The following GAK variants were observed in gnomAD, a reference collection of about 807,000 sequenced individuals.
GAK encodes the protein cyclin G associated kinase, also known as cyclin-G-associated kinase.
In GAK, 79 loss-of-function variants were observed where a neutral mutation model predicts 143.9. That is an observed-to-expected ratio of 0.55 (90% CI 0.46 to 0.66). GAK has a LOEUF of 0.66. Ranked by LOEUF, GAK falls within the 30% of genes least tolerant of loss-of-function variation. The pLI, the probability that GAK is intolerant of heterozygous loss-of-function variation, is 0.00. For synonymous variants in GAK, 881 were observed against 765.5 expected, an observed-to-expected ratio of 1.15 and a Z score of -2.49; for missense variants, 1,693 against 1,779.7, an observed-to-expected ratio of 0.95 and a Z score of 0.88.
intron 4 of GAK, 135 bp from the exon 5 acceptor site, chr4:904,914 G>A (rs1334501227): frequency 7.6e-6 from 6 of 787,294 alleles, no homozygotes; most frequent in South Asian, 5.4e-5. Flanking sequence ...GTAACAAAAC[G>A]ACCAGAGGTG....
intron 23 of GAK, 92 bp downstream of exon 23, chr4:865,028 CAG>C (rs1426865520): frequency 2.7e-6 from 4 of 1,494,002 alleles, no homozygotes; most frequent in African/African-American, 1.4e-5. Context: ...CTTCTCTGCG[CAG>C]AGAGGGCCCT....
At chr4:896,819 A>C (rs962581616) in intron 6 of GAK, among the ~76,000 whole-genome samples, 5 of 152,236 alleles carry the variant, frequency 3.3e-5, no homozygotes, top group South Asian at 2.1e-4. Flanking sequence ...GCATGTCGGC[A>C]CCGACGTATT....
intron 15 of GAK, 27 bp from the exon 16 acceptor site, chr4:877,836 C>A (rs1564281): frequency 6.5e-7 from 1 of 1,545,494 alleles, no homozygotes; most frequent in African/African-American, 1.4e-5. Flanking sequence ...CGCGTCACCA[C>A]GTGACGTGCC....
intron 23 of GAK, among the ~76,000 whole-genome samples, chr4:861,086 T>A (rs1366679804): frequency 7.2e-5 from 11 of 152,302 alleles, no homozygotes; most frequent in African/African-American, 2.6e-4. Context: ...CGAGCTTAAC[T>A]GACAACACGC....
intron 23 of GAK, among the ~76,000 whole-genome samples, chr4:862,201 G>A (rs1246345551): frequency 6.6e-6 from 1 of 151,928 alleles, no homozygotes; most frequent in Non-Finnish European, 1.5e-5. Flanking sequence ...TAAGTCATCC[G>A]CTAAGATCCG....
rs768901563 is a variant in GAK, at chr4:911,819, T to C, written c.268-32A>G. The C allele has an allele frequency of 6.7e-6, 10 of 1,500,328 alleles. No homozygotes were observed. In the African/African-American group the frequency reaches 1.4e-4, roughly 21 times the overall value. The allele number at this position is 1,500,328 out of a possible 1,614,324, so 92.9% of individuals were successfully genotyped here. A position where few individuals can be genotyped will look rare whatever the true frequency, so the allele number is the denominator to read the frequency against. Reference sequence around the variant, plus strand: ...TTGTCTTGTTAAAGGAGAACGTACATAACCATGTCCACAGTTCTGTGCACT... The same window carrying C: ...TTGTCTTGTTAAAGGAGAACGTACACAACCATGTCCACAGTTCTGTGCACT... On this transcript the variant is annotated intron_variant, in intron 3 of 27. Coordinates refer to ENST00000314167, the MANE Select transcript of GAK (RefSeq NM_005255.4).
rs902899744 is a variant in GAK at position 895,393 on chromosome 4, G to A, written c.741+1067C>T. Among the ~76,000 whole-genome samples, 10 of 152,386 alleles carry A rather than the reference G, an allele frequency of 6.6e-5. No individual in the cohort carries two copies. In the Middle Eastern group the frequency reaches 0.01, roughly 155 times the overall value. On this transcript the variant is annotated intron_variant, in intron 7 of 27. Transcript: ENST00000314167. ...CAGGCCGAGCAAGAGCCGGCCAGGAGTGTCCTCGTGCGGGATGTGCAGAGG... is the reference window on the plus strand; with the variant it reads ...CAGGCCGAGCAAGAGCCGGCCAGGAATGTCCTCGTGCGGGATGTGCAGAGG...
intron 26 of GAK, 26 bp from the exon 27 acceptor site, chr4:850,094 G>A (rs200534785): frequency 1.3e-6 from 2 of 1,540,182 alleles, no homozygotes; most frequent in East Asian, 4.8e-5. Context: ...AGCTTGCCGA[G>A]CCCTGGGCAC....
intron 10 of GAK, among the ~76,000 whole-genome samples, chr4:890,070 C>T (rs373774654): frequency 1.3e-5 from 2 of 152,246 alleles, no homozygotes; most frequent in East Asian, 3.9e-4. Flanking sequence ...CCTGGCCCTT[C>T]ATTCCCAGCT....
Position 912,739 on chromosome 4 carries a change from A to C in GAK, c.263T>G (p.Phe88Cys), listed in dbSNP as rs1245660411. ...CTGGTTCCAGGAAAAGGATACCATG[A>C]AGCAAACTTCTTGAATGATGGCTCT... ...KNRAIIQEVC[F>C]MKKLSGHPNI... Residue 88 changes from phenylalanine (F) to cysteine (C), a missense_variant, in exon 3 of 28, where the codon TTC becomes TGC. Transcript: ENST00000314167. 1 of 1,613,584 alleles carries C rather than the reference A, an allele frequency of 6.2e-7. No individual in the cohort carries two copies. The highest frequency in any genetic ancestry group is 1.1e-5 in the South Asian group (1 of 91,032).
At position 868,632 on chromosome 4, in the gene GAK, C is replaced by A. The variant is rs1055920461; in HGVS notation, c.2302G>T (p.Ala768Ser). ...GTGGGTTCGGCTTCCGGGGACCCTGCCCCAGCATCATACTGAGCCGTGGAG... is the reference window on the plus strand; with the variant it reads ...GTGGGTTCGGCTTCCGGGGACCCTGACCCAGCATCATACTGAGCCGTGGAG... ...PGSTAQYDAG[A>S]GSPEAEPTDS... Residue 768 changes from alanine (A) to serine (S), a missense_variant, in exon 20 of 28, where the codon GCA (alanine) becomes TCA (serine). By Grantham distance (99) the Ala-to-Ser change is moderately conservative. Around this residue, in one of 2 missense-constraint regions of GAK, gnomAD observed 822 missense variants for 788.7 expected, o/e 1.04. Coordinates refer to ENST00000314167, the MANE Select transcript of GAK (RefSeq NM_005255.4). 26 of 1,571,256 alleles carry A rather than the reference C, an allele frequency of 1.7e-5. No individual in the cohort carries two copies. The highest frequency in any genetic ancestry group is 2.2e-5 in the Non-Finnish European group (26 of 1,158,954).
In GAK at chr4:912,797, G is replaced by A. The variant is rs770827079; in HGVS notation, c.208-3C>T. 35 of 1,612,304 alleles carry A rather than the reference G, an allele frequency of 2.2e-5. No individual in the cohort carries two copies. The South Asian group carries it at 3.0e-4, about 14-fold the overall frequency. On this transcript the variant is annotated splice_region_variant and splice_polypyrimidine_tract_variant and intron_variant, in intron 2 of 27. Coordinates refer to ENST00000314167, the MANE Select transcript of GAK (RefSeq NM_005255.4). Reference sequence around the variant, plus strand: ...TCCTCTTCATTGGATAATAGCCTCTGTATCAGGAAACAGCACACACAAAAG... The same window carrying A: ...TCCTCTTCATTGGATAATAGCCTCTATATCAGGAAACAGCACACACAAAAG...
At chr4:898,978 C>G (rs1270820247) in intron 5 of GAK, among the ~76,000 whole-genome samples, 1 of 152,246 alleles carries the variant, frequency 6.6e-6, no homozygotes, top group Non-Finnish European at 1.5e-5. Flanking sequence ...TCGGGCCAAA[C>G]AGGGAATCCA....
At chr4:895,229 C>T (rs1718545025) in intron 7 of GAK, among the ~76,000 whole-genome samples, 1 of 152,194 alleles carries the variant, frequency 6.6e-6, no homozygotes, top group African/African-American at 2.4e-5. Flanking sequence ...TCAGTCTGCT[C>T]AGGATTTTCG....
chr4:871,626 G>A (rs1361344620), intron 18 of GAK, among the ~76,000 whole-genome samples: 1 of 151,964 alleles, frequency 6.6e-6, no homozygotes, highest in East Asian at 1.9e-4. Context: ...GGCCTGCCTT[G>A]GGGTGTCGGC....
chr4:850,883 G>A (rs918975745), intron 26 of GAK, 53 bp downstream of exon 26: 97 of 1,575,110 alleles, frequency 6.2e-5, no homozygotes, highest in Non-Finnish European at 8.3e-5. Context: ...GATGCTCCAG[G>A]GGCCATGGGT....
Position 927,018 on chromosome 4 carries a change from C to G in GAK, c.145+5025G>C, listed in dbSNP as rs1724908581. On this transcript the variant is annotated intron_variant, in intron 1 of 27. Transcript: ENST00000314167. ...CCTCCCGGCTCACCAGCGCTCCGCA[C>G]TGCCCCGCACCCCTCCCCGCTCACC... Among the ~76,000 whole-genome samples, 2 of 49,712 alleles carry G rather than the reference C, an allele frequency of 4.0e-5. 1 individual carries two copies. The highest frequency in any genetic ancestry group is 1.8e-4 in the African/African-American group (2 of 11,076). The allele number at this position is 49,712 out of a possible 152,430, so 32.6% of individuals were successfully genotyped here.
chr4:874,509 C>T (rs931435940), intron 18 of GAK, among the ~76,000 whole-genome samples: 1 of 152,122 alleles, frequency 6.6e-6, no homozygotes, highest in South Asian at 2.1e-4. Context: ...ATTTTTCTCT[C>T]AGCACTTTAG....
intron 23 of GAK, among the ~76,000 whole-genome samples, chr4:860,666 G>T (rs1348351732): frequency 2.0e-5 from 3 of 152,174 alleles, no homozygotes; most frequent in African/African-American, 7.2e-5. Context: ...CACTTGAGGG[G>T]ACGGGCACCC....
Sources: allele counts gnomAD v4.1 joint callset (sites outside exome capture counted in the v4.1 genomes callset), GRCh38; gene constraint gnomAD v4.1.1; regional missense constraint gnomAD v4.1.1; transcripts MANE v1.5; gene names NCBI Gene and HGNC (gene_info 2026-07-23, HGNC 2026-07-21).